The following PMEPA1 variants were observed in gnomAD, a reference collection of about 807,000 sequenced individuals.
PMEPA1 encodes the protein protein TMEPAI.
PMEPA1 carries 11 observed loss-of-function variants against 23.0 expected under a neutral mutation model. The ratio of observed to expected loss-of-function variants is 0.48; its 90% CI spans 0.30 to 0.79. The LOEUF (loss-of-function observed/expected upper bound fraction) is 0.79. Among genes scored for constraint, PMEPA1 ranks in the 30% least tolerant of loss-of-function variants. The pLI is 0.06. For missense variants in PMEPA1, 377 were observed against 390.9 expected, an observed-to-expected ratio of 0.96 and a Z score of 0.30; for synonymous variants, 204 against 166.4, an observed-to-expected ratio of 1.23 and a Z score of -1.74.
At chr20:57,699,124 G>T (rs954924777) in intron 1 of PMEPA1, among the ~76,000 whole-genome samples, 1 of 152,184 alleles carries the variant, frequency 6.6e-6, no homozygotes, top group Admixed American at 6.5e-5. Context: ...GGCTCGAACC[G>T]AATCTTGTTG....
intron 1 of PMEPA1, among the ~76,000 whole-genome samples, chr20:57,697,265 T>C (rs897400877): frequency 6.6e-6 from 1 of 152,176 alleles, no homozygotes; most frequent in Non-Finnish European, 1.5e-5. Flanking sequence ...TCAACAAGTG[T>C]CATCACTCAA....
At position 57,651,939 on chromosome 20, in the gene PMEPA1, A is replaced by G. The variant is rs1600767979; in HGVS notation, c.*114T>C. 4.1e-6 allele frequency: 3 copies of G among 733,484 alleles called. No homozygotes were observed. Among genetic ancestry groups the G allele is most frequent in the Non-Finnish European group, 4.1e-6 (2 of 484,252 alleles). 45.4% of individuals were successfully genotyped at this position (733,484 alleles called of 1,614,324 possible). A position where few individuals can be genotyped will look rare whatever the true frequency, so the allele number is the denominator to read the frequency against. ...TTTATACACAGGGAGGTGGGAGGGG[A>G]GGGCCACACGATGCGTTGCTGCGCC... On this transcript the variant is annotated 3_prime_UTR_variant, in exon 4 of 4. Transcript: ENST00000341744.
chr20:57,694,991 C>A (rs1315035678), intron 1 of PMEPA1, among the ~76,000 whole-genome samples: 1 of 152,238 alleles, frequency 6.6e-6, no homozygotes, highest in Non-Finnish European at 1.5e-5. Context: ...GGGAGAGGGA[C>A]CACTGCCTGT....
At chr20:57,697,790 C>T (rs1407605384) in intron 1 of PMEPA1, among the ~76,000 whole-genome samples, 1 of 152,220 alleles carries the variant, frequency 6.6e-6, no homozygotes. Flanking sequence ...GCAAACAACT[C>T]TGATTACCCT....
At chr20:57,676,737 G>A (rs1312820668) in intron 1 of PMEPA1, among the ~76,000 whole-genome samples, 1 of 152,130 alleles carries the variant, frequency 6.6e-6, no homozygotes, top group Non-Finnish European at 1.5e-5. Flanking sequence ...CATGACGAGA[G>A]GCCTCCTTGC....
chr20:57,678,933 A>G (rs909797329), intron 1 of PMEPA1, among the ~76,000 whole-genome samples: 3 of 152,226 alleles, frequency 2.0e-5, no homozygotes, highest in African/African-American at 7.2e-5. Flanking sequence ...GCATCACTGT[A>G]AAGTATCAAC....
chr20:57,659,324 T>A (rs1019711949), intron 2 of PMEPA1, among the ~76,000 whole-genome samples: 1 of 152,188 alleles, frequency 6.6e-6, no homozygotes, highest in Non-Finnish European at 1.5e-5. Context: ...GCCCAGCTCT[T>A]CATTCCCCAC....
rs983171770 is a variant in PMEPA1 at position 57,655,026 on chromosome 20, C to CGAGG, written c.265-1944_265-1941dup. On this transcript the variant is annotated intron_variant, in intron 2 of 3. Coordinates refer to ENST00000341744, the MANE Select transcript of PMEPA1 (RefSeq NM_020182.5). This position sits in a 1 kb window ranked among gnomAD's most constrained non-coding sequence, Gnocchi z 4.2. ...AGGAGAGAAAGTTCCAACCCCTTAC[C>CGAGG]GAGGCCCATACCCCCTAGATGTCCA... is the stretch of plus-strand genomic sequence containing the variant. 2.0e-4 allele frequency among the ~76,000 whole-genome samples: 31 copies of CGAGG among 151,494 alleles called. No individual in the cohort carries two copies. Among genetic ancestry groups the CGAGG allele is most frequent in the African/African-American group, 7.5e-4 (31 of 41,068 alleles).
At chr20:57,702,032 C>G (rs1248370097) in intron 1 of PMEPA1, among the ~76,000 whole-genome samples, 1 of 152,162 alleles carries the variant, frequency 6.6e-6, no homozygotes, top group Non-Finnish European at 1.5e-5. Context: ...GGGGGTCTCC[C>G]TAGGCGAGGC....
rs1363026726 is a variant in PMEPA1, at chr20:57,656,887, T to A, written c.264+2656A>T. Among the ~76,000 whole-genome samples, 3 of 152,200 alleles carry A rather than the reference T, an allele frequency of 2.0e-5. No homozygotes were observed. The highest frequency in any genetic ancestry group is 4.4e-5 in the Non-Finnish European group (3 of 68,018). ...GGGCCCGGGACAGATAAGAGCTGTA[T>A]GTGGATCTCTATGGAAGGCCGCGGG... On this transcript the variant is annotated intron_variant, in intron 2 of 3. Transcript: ENST00000341744. The surrounding 1 kb of genome is among the most constrained non-coding windows in gnomAD (Gnocchi z 4.7).
At chr20:57,692,780 G>A (rs980565629) in intron 1 of PMEPA1, among the ~76,000 whole-genome samples, 5 of 152,222 alleles carry the variant, frequency 3.3e-5, no homozygotes, top group African/African-American at 1.2e-4. Flanking sequence ...AGAAAAGGCA[G>A]AGATCCAGGC....
At position 57,683,152 on chromosome 20, in the gene PMEPA1, G is replaced by A. The variant is rs541924133; in HGVS notation, c.110-23455C>T. ...AGAGGCTGCTCACGTTAGAGGGCACGGATATCCCCCACTGCTTTTTAAAAA... is the reference window on the plus strand; with the variant it reads ...AGAGGCTGCTCACGTTAGAGGGCACAGATATCCCCCACTGCTTTTTAAAAA... On this transcript the variant is annotated intron_variant, in intron 1 of 3. Transcript: ENST00000341744. The surrounding 1 kb of genome is among the most constrained non-coding windows in gnomAD (Gnocchi z 4.3). Among the ~76,000 whole-genome samples the A allele has an allele frequency of 1.1e-4, 16 of 152,288 alleles. No homozygotes were observed. Among genetic ancestry groups the A allele is most frequent in the South Asian group, 6.2e-4 (3 of 4,824 alleles).
intron 2 of PMEPA1, among the ~76,000 whole-genome samples, chr20:57,653,773 T>C (rs2071287753): frequency 6.6e-6 from 1 of 152,220 alleles, no homozygotes; most frequent in African/African-American, 2.4e-5. Context: ...CACTTTCAGT[T>C]CCAGCGTCCC....
chr20:57,677,717 A>G (rs551990937), intron 1 of PMEPA1, among the ~76,000 whole-genome samples: 21 of 152,282 alleles, frequency 1.4e-4, no homozygotes, highest in Admixed American at 2.6e-4. Context: ...TCACACAAAA[A>G]CCTGTGCATG....
At chr20:57,681,349 G>A (rs1341183576) in intron 1 of PMEPA1, among the ~76,000 whole-genome samples, 1 of 152,158 alleles carries the variant, frequency 6.6e-6, no homozygotes, top group Non-Finnish European at 1.5e-5. Context: ...ACCCTGCATG[G>A]GCCTCCTTCC....
chr20:57,690,679 C>G, intron 1 of PMEPA1: 1 of 805,746 alleles, frequency 1.2e-6, no homozygotes. Context: ...CTGGGAAACA[C>G]TCGGTGCAGA....
At chr20:57,678,217 G>T (rs2071665251) in intron 1 of PMEPA1, among the ~76,000 whole-genome samples, 1 of 152,192 alleles carries the variant, frequency 6.6e-6, no homozygotes, top group Non-Finnish European at 1.5e-5. Flanking sequence ...TAAGGTTGAT[G>T]GTTTGTGACA....
intron 1 of PMEPA1, among the ~76,000 whole-genome samples, chr20:57,708,880 C>A (rs1162471600): frequency 2.0e-5 from 3 of 151,990 alleles, no homozygotes; most frequent in African/African-American, 7.3e-5. Context: ...CAGGAAGACT[C>A]GGTGACACGC....
chr20:57,703,479 C>T (rs2072038500), intron 1 of PMEPA1, among the ~76,000 whole-genome samples: 1 of 152,216 alleles, frequency 6.6e-6, no homozygotes, highest in African/African-American at 2.4e-5. Context: ...CTTGTACCCC[C>T]TCTTCCAGCC....
Sources: gnomAD v4.1 joint callset for allele counts (sites outside exome capture counted in the v4.1 genomes callset) on GRCh38, gnomAD v4.1.1 for gene constraint, Gnocchi (gnomAD v3.1) non-coding constraint, MANE v1.5 for transcripts, NCBI Gene and HGNC (gene_info 2026-07-23, HGNC 2026-07-21) for gene names.